The following TMC3 variants were observed in gnomAD, a reference collection of about 807,000 sequenced individuals.
TMC3 encodes the protein transmembrane channel-like protein 3.
TMC3 carries 98 observed loss-of-function variants against 110.6 expected under a neutral mutation model. The ratio of observed to expected loss-of-function variants is 0.89; its 90% CI spans 0.75 to 1.05. The LOEUF (loss-of-function observed/expected upper bound fraction) is 1.05. Among genes scored for constraint, TMC3 ranks in the 50% least tolerant of loss-of-function variants. The probability of loss-of-function intolerance (pLI) is 0.00; values close to 1 mark genes in which losing one functional copy is unlikely to be tolerated. For synonymous variants in TMC3, 489 were observed against 513.1 expected (o/e 0.95, Z 0.63); for missense variants, 1,319 against 1,373.2 (o/e 0.96, Z 0.62).
intron 3 of TMC3, among the ~76,000 whole-genome samples, chr15:81,366,692 G>A (rs1894324656): frequency 6.6e-6 from 1 of 152,124 alleles, no homozygotes. Context: ...ATCATAGTGT[G>A]GCAGGAATAA....
intron 4 of TMC3, among the ~76,000 whole-genome samples, chr15:81,360,748 G>A (rs1894170131): frequency 6.6e-6 from 1 of 152,112 alleles, no homozygotes; most frequent in South Asian, 2.1e-4. Context: ...AGACTTGAAT[G>A]CCCCTCTGTC....
intron 2 of TMC3, among the ~76,000 whole-genome samples, chr15:81,371,201 G>A (rs949582178): frequency 6.6e-6 from 1 of 152,118 alleles, no homozygotes; most frequent in Non-Finnish European, 1.5e-5. Context: ...TCAAATAAAT[G>A]GAAACAATAG....
At chr15:81,360,697 G>T (rs958881125) in intron 4 of TMC3, among the ~76,000 whole-genome samples, 1 of 152,158 alleles carries the variant, frequency 6.6e-6, no homozygotes, top group African/African-American at 2.4e-5. Flanking sequence ...TCTGCAGCAT[G>T]AATTGCACCA....
chr15:81,346,454 C>T lies in TMC3; in HGVS notation c.1194-11G>A. The T allele has an allele frequency of 1.2e-6, 2 of 1,612,550 alleles. No homozygotes were observed. The highest frequency in any genetic ancestry group is 1.7e-6 in the Non-Finnish European group (2 of 1,179,244). Reference sequence around the variant, plus strand: ...TACAGCACAAGGACCCTGAAAGCCACAAGCCCACCTTGAGAAACAAGACCA... The same window carrying T: ...TACAGCACAAGGACCCTGAAAGCCATAAGCCCACCTTGAGAAACAAGACCA... On this transcript the variant is annotated splice_polypyrimidine_tract_variant and intron_variant, in intron 11 of 21. Coordinates refer to ENST00000359440, the MANE Select transcript of TMC3 (RefSeq NM_001080532.3).
chr15:81,354,610 G>A (rs1894019496), intron 9 of TMC3, among the ~76,000 whole-genome samples: 1 of 152,132 alleles, frequency 6.6e-6, no homozygotes, highest in African/African-American at 2.4e-5. Flanking sequence ...GGGTACATGT[G>A]TGCAGCTGGT....
intron 11 of TMC3, among the ~76,000 whole-genome samples, chr15:81,347,685 G>A (rs1013606272): frequency 4.6e-5 from 7 of 152,204 alleles, no homozygotes; most frequent in Non-Finnish European, 7.3e-5. Flanking sequence ...ACCAGAATTA[G>A]CCCTAATTTG....
intron 15 of TMC3, among the ~76,000 whole-genome samples, chr15:81,342,087 T>C (rs1893728001): frequency 6.6e-6 from 1 of 152,020 alleles, no homozygotes; most frequent in Non-Finnish European, 1.5e-5. Flanking sequence ...ACCTGGGAGA[T>C]TTGGGGAATG....
intron 16 of TMC3, among the ~76,000 whole-genome samples, 185 bp downstream of exon 16, chr15:81,341,205 T>C (rs1285770350): frequency 6.6e-6 from 1 of 152,134 alleles, no homozygotes; most frequent in East Asian, 1.9e-4. Context: ...AGAGGAGTAA[T>C]GATTCATTGA....
chr15:81,368,306 T>A lies in TMC3; in HGVS notation c.259A>T (p.Lys87Ter). 1 of 1,613,600 alleles carries A rather than the reference T, an allele frequency of 6.2e-7. No individual in the cohort carries two copies. Among genetic ancestry groups the A allele is most frequent in the Non-Finnish European group, 8.5e-7 (1 of 1,179,676 alleles). Residue 87 changes from lysine (K) to a stop codon, truncating the protein, a stop_gained, in exon 3 of 22, where the codon AAG becomes TAG. Coordinates refer to ENST00000359440, the MANE Select transcript of TMC3 (RefSeq NM_001080532.3). LOFTEE classifies it high-confidence loss of function. Reference protein sequence around the residue: ...ALRQAKNIVLKFEGRLTRTRG... With the variant: ...ALRQAKNIVL ...GTCCTGGTCAGCCTCCCTTCAAACTTCAGCACAATGTTCTTCGCTTGTCTA... is the reference window on the plus strand; with the variant it reads ...GTCCTGGTCAGCCTCCCTTCAAACTACAGCACAATGTTCTTCGCTTGTCTA...
intron 3 of TMC3, among the ~76,000 whole-genome samples, chr15:81,365,055 CTTA>C (rs1894280226): frequency 6.6e-6 from 1 of 152,162 alleles, no homozygotes; most frequent in Non-Finnish European, 1.5e-5. Context: ...ATAACTTTAT[CTTA>C]TTATATGTCA....
At chr15:81,373,035 C>T (rs981211369) in intron 1 of TMC3, among the ~76,000 whole-genome samples, 2 of 152,070 alleles carry the variant, frequency 1.3e-5, no homozygotes, top group Admixed American at 6.6e-5. Context: ...TCAGAAAACA[C>T]AAGATGAGAC....
At chr15:81,360,224 A>G (rs1030697071) in intron 4 of TMC3, among the ~76,000 whole-genome samples, 27 of 152,200 alleles carry the variant, frequency 1.8e-4, no homozygotes, top group African/African-American at 6.5e-4. Context: ...ACTAAATTAA[A>G]ATCACGATTA....
chr15:81,358,520 T>C lies in TMC3; in HGVS notation c.502-20A>G. 1 of 1,590,208 alleles carries C rather than the reference T, an allele frequency of 6.3e-7. No individual in the cohort carries two copies. The highest frequency in any genetic ancestry group is 8.6e-7 in the Non-Finnish European group (1 of 1,167,224). On this transcript the variant is annotated intron_variant, in intron 5 of 21. Transcript: ENST00000359440. ...AATCAGCTGGTGAGAGAAGAAAGCA[T>C]GTCATGTGGTCCTCTGGGTGGGAGG... is the stretch of plus-strand genomic sequence containing the variant.
rs768362144 is a variant in TMC3 at position 81,333,253 on chromosome 15, G to A, written c.2469C>T (p.His823=). ...GGTCACTGGTGCTTGCACACAGACC[G>A]TGCAGATACCTGTAAGACAGGGGCG... The part of the protein sequence containing the change: ...RLEHETNRYL[H]GLCASTSDLH... The change falls in exon 22 of 22, where the codon CAC becomes CAT. Residue 823 remains histidine, a synonymous_variant. Transcript: ENST00000359440. The A allele has an allele frequency of 5.6e-6, 9 of 1,606,708 alleles. No individual in the cohort carries two copies. Among genetic ancestry groups the A allele is most frequent in the South Asian group, 5.5e-5 (5 of 90,218 alleles).
intron 2 of TMC3, among the ~76,000 whole-genome samples, chr15:81,369,175 A>G (rs1433316143): frequency 6.6e-6 from 1 of 152,060 alleles, no homozygotes; most frequent in East Asian, 1.9e-4. Context: ...TTTGATTGGG[A>G]GGGTGCTCTG....
intron 5 of TMC3, among the ~76,000 whole-genome samples, chr15:81,358,844 G>A (rs1057273033): frequency 3.9e-5 from 6 of 152,078 alleles, no homozygotes; most frequent in East Asian, 3.9e-4. Context: ...GCACGAGTGC[G>A]GTTTTGTTAC....
intron 7 of TMC3, 100 bp from the exon 8 acceptor site, chr15:81,356,694 CCTCT>C: frequency 1.5e-6 from 2 of 1,329,192 alleles, no homozygotes; most frequent in Non-Finnish European, 2.0e-6. Context: ...AGGCTGCACC[CCTCT>C]GGGTGGACGC....
At position 81,341,426 on chromosome 15, in the gene TMC3, C is replaced by T; in HGVS notation, c.1808G>A (p.Cys603Tyr). 6.2e-7 allele frequency: 1 copy of T among 1,611,604 alleles called. No individual in the cohort carries two copies. The highest frequency in any genetic ancestry group is 8.5e-7 in the Non-Finnish European group (1 of 1,178,790). Residue 603 changes from cysteine to tyrosine, a missense_variant, in exon 16 of 22, where the codon TGC becomes TAC. Transcript: ENST00000359440. ...AAATACTTGCTGGTGGGGCACATTG[C>T]AGGTCAGCACAGCCCAGCTTCTCAG... is the stretch of plus-strand genomic sequence containing the variant. ...MYLRSWAVLT[C>Y]NVPHQQVFRA... is the part of the protein sequence containing the mutation.
At chr15:81,337,178 G>A (rs1190104815) in intron 19 of TMC3, among the ~76,000 whole-genome samples, 1 of 151,982 alleles carries the variant, frequency 6.6e-6, no homozygotes, top group Non-Finnish European at 1.5e-5. Flanking sequence ...GGCTGTGAAA[G>A]GACAGAATCA....
Sources: gnomAD v4.1 joint callset for allele counts (sites outside exome capture counted in the v4.1 genomes callset) on GRCh38, gnomAD v4.1.1 for gene constraint, MANE v1.5 for transcripts, NCBI Gene and HGNC (gene_info 2026-07-23, HGNC 2026-07-21) for gene names.